Variants in PCCA observed in about 807,000 individuals in gnomAD.
PCCA encodes propionyl-CoA carboxylase alpha chain, mitochondrial.
In PCCA, 74 loss-of-function variants were observed where a neutral mutation model predicts 101.3. The observed-to-expected ratio is 0.73, with a 90% CI of 0.61 to 0.89. PCCA has a LOEUF of 0.89. Among genes scored for constraint, PCCA ranks in the 40% least tolerant of loss-of-function variants. The pLI is 0.00. For synonymous variants in PCCA, 294 were observed against 313.6 expected, an observed-to-expected ratio of 0.94 and a Z score of 0.66; for missense variants, 891 against 907.0, an observed-to-expected ratio of 0.98 and a Z score of 0.23.
chr13:100,289,871 T>G (rs2064993817), intron 12 of PCCA, among the ~76,000 whole-genome samples: 1 of 152,222 alleles, frequency 6.6e-6, no homozygotes, highest in African/African-American at 2.4e-5. Flanking sequence ...TTTCATTATT[T>G]GCTATATCTT....
chr13:100,356,248 AG>A (rs1159718983), intron 18 of PCCA, among the ~76,000 whole-genome samples: 1 of 152,160 alleles, frequency 6.6e-6, no homozygotes, highest in Non-Finnish European at 1.5e-5. Flanking sequence ...ACGCAGCAAA[AG>A]AAAAATTAGA....
chr13:100,288,299 G>C (rs2064851326), intron 12 of PCCA, among the ~76,000 whole-genome samples: 2 of 152,010 alleles, frequency 1.3e-5, no homozygotes, highest in African/African-American at 4.8e-5. Flanking sequence ...TTTTTTGTTT[G>C]TTTGTTTATT....
At chr13:100,280,176 A>G (rs12431036) in intron 12 of PCCA, among the ~76,000 whole-genome samples, 34,022 of 151,898 alleles carry the variant, frequency 0.22, 4,945 homozygotes, top group East Asian at 0.55. Flanking sequence ...TTTGTTCTCA[A>G]TCTGGTCACA....
chr13:100,168,790 C>T (rs1262312662), intron 6 of PCCA, among the ~76,000 whole-genome samples: 1 of 152,136 alleles, frequency 6.6e-6, no homozygotes, highest in African/African-American at 2.4e-5. Context: ...TCTTCCTTAC[C>T]AATGACCAGT....
intron 4 of PCCA, among the ~76,000 whole-genome samples, chr13:100,129,507 TTCTC>T (rs2050280537): frequency 6.6e-6 from 1 of 152,198 alleles, no homozygotes. Context: ...CTTTCCTAGT[TTCTC>T]TCTCACCCCG....
chr13:100,259,619 CA>C (rs1235546482), intron 9 of PCCA, among the ~76,000 whole-genome samples: 1 of 152,038 alleles, frequency 6.6e-6, no homozygotes, highest in Non-Finnish European at 1.5e-5. Flanking sequence ...AGGCGTGCAC[CA>C]CTGCGCCCAA....
chr13:100,342,803 C>T (rs1337514077), intron 18 of PCCA, among the ~76,000 whole-genome samples: 5 of 150,356 alleles, frequency 3.3e-5, no homozygotes, highest in Non-Finnish European at 7.4e-5. Flanking sequence ...CTCCCTGCAG[C>T]CTTGAATTCC....
In PCCA at chr13:100,483,559, G is replaced by A. The variant is rs140194786; in HGVS notation, c.1900-31868G>A. 6.7e-3 allele frequency among the ~76,000 whole-genome samples: 1,016 copies of A among 152,240 alleles called. 16 individuals carry two copies. Among genetic ancestry groups the A allele is most frequent in the African/African-American group, 0.015 (636 of 41,522 alleles). On this transcript the variant is annotated intron_variant, in intron 21 of 23. Transcript: ENST00000376285. ...TTGGTTCAGAAGAATAAACTATACC[G>A]CCCTCTTGGTCTTCTTTTGGACATT...
intron 6 of PCCA, among the ~76,000 whole-genome samples, chr13:100,157,755 T>C (rs906645525): frequency 1.3e-5 from 2 of 152,200 alleles, no homozygotes; most frequent in Admixed American, 6.5e-5. Flanking sequence ...AAATGTCCCC[T>C]TCCAGCTAGG....
At chr13:100,207,862 A>G (rs1051775933) in intron 6 of PCCA, among the ~76,000 whole-genome samples, 2 of 151,810 alleles carry the variant, frequency 1.3e-5, no homozygotes, top group African/African-American at 4.8e-5. Context: ...TACTAAAAAT[A>G]CAAAAATTAG....
rs546302358 is a variant in PCCA, at chr13:100,355,942, C to T, written c.1644-12530C>T. On this transcript the variant is annotated intron_variant, in intron 18 of 23. Coordinates refer to ENST00000376285, the MANE Select transcript of PCCA (RefSeq NM_000282.4). ...GACATGTTGATCAATGGAATAGAAT[C>T]GAGACTCCAGAAATAAATTGTTATA... is the stretch of plus-strand genomic sequence containing the variant. Among the ~76,000 whole-genome samples, 11 of 152,180 alleles carry T rather than the reference C, an allele frequency of 7.2e-5. No individual in the cohort carries two copies. The South Asian group carries it at 1.4e-3, about 20-fold the overall frequency.
At chr13:100,412,649 A>C (rs2078125113) in intron 19 of PCCA, among the ~76,000 whole-genome samples, 1 of 152,186 alleles carries the variant, frequency 6.6e-6, no homozygotes, top group Non-Finnish European at 1.5e-5. Context: ...TATTATGATC[A>C]ACCTAATGGA....
At chr13:100,300,083 G>GT (rs1395239883) in intron 12 of PCCA, among the ~76,000 whole-genome samples, 2 of 152,108 alleles carry the variant, frequency 1.3e-5, no homozygotes, top group African/African-American at 2.4e-5. Flanking sequence ...ATAATAGAGG[G>GT]TTTTTTTGCT....
intron 18 of PCCA, among the ~76,000 whole-genome samples, chr13:100,348,055 A>G (rs1245150025): frequency 3.3e-5 from 5 of 152,200 alleles, no homozygotes; most frequent in Admixed American, 3.3e-4. Flanking sequence ...TTGAACCTTC[A>G]CATTTTGGCT....
chr13:100,219,385 G>A (rs150071911), intron 7 of PCCA, among the ~76,000 whole-genome samples: 2 of 152,090 alleles, frequency 1.3e-5, no homozygotes, highest in African/African-American at 4.8e-5. Context: ...AGTCCTCAAG[G>A]GTTCAAGGAA....
intron 17 of PCCA, among the ~76,000 whole-genome samples, chr13:100,334,577 C>T (rs1481024761): frequency 1.3e-5 from 2 of 152,148 alleles, no homozygotes; most frequent in African/African-American, 4.8e-5. Flanking sequence ...CTTAAAAATA[C>T]TGAATTAGAG....
intron 16 of PCCA, among the ~76,000 whole-genome samples, chr13:100,324,925 A>C (rs1383733188): frequency 6.6e-6 from 1 of 152,234 alleles, no homozygotes; most frequent in Non-Finnish European, 1.5e-5. Context: ...ACTTTGAATA[A>C]CAGGACAGAA....
At chr13:100,167,954 C>G (rs1037795276) in intron 6 of PCCA, among the ~76,000 whole-genome samples, 7 of 152,146 alleles carry the variant, frequency 4.6e-5, no homozygotes, top group East Asian at 1.9e-4. Context: ...CTTAAAAATA[C>G]TTTGTCCACA....
intron 21 of PCCA, among the ~76,000 whole-genome samples, chr13:100,512,351 C>A (rs1329409272): frequency 6.6e-6 from 1 of 152,124 alleles, no homozygotes; most frequent in East Asian, 1.9e-4. Context: ...GTCACCTTTC[C>A]GTCATTCAGT....
Sources: allele counts gnomAD v4.1 joint callset (sites outside exome capture counted in the v4.1 genomes callset), GRCh38; gene constraint gnomAD v4.1.1; transcripts MANE v1.5; gene names NCBI Gene and HGNC (gene_info 2026-07-23, HGNC 2026-07-21).